EXT1: variants seen among roughly 807,000 people sequenced by gnomAD.
EXT1 encodes exostosin glycosyltransferase 1, also known as exostosin-1.
EXT1 carries 20 observed loss-of-function variants against 82.5 expected under a neutral mutation model. The ratio of observed to expected loss-of-function variants is 0.24; its 90% CI spans 0.17 to 0.35. The LOEUF is 0.35. EXT1 is among the 10% of genes least tolerant of loss of function. The probability of loss-of-function intolerance (pLI) is 1.00; values close to 1 mark genes in which losing one functional copy is unlikely to be tolerated. For missense variants in EXT1, 757 were observed against 936.5 expected, an observed-to-expected ratio of 0.81 and a Z score of 2.50; for synonymous variants, 348 against 350.8, an observed-to-expected ratio of 0.99 and a Z score of 0.09.
intron 1 of EXT1, among the ~76,000 whole-genome samples, chr8:117,894,090 A>G (rs1813294497): frequency 6.6e-6 from 1 of 152,190 alleles, no homozygotes; most frequent in Non-Finnish European, 1.5e-5. Context: ...TTGTTCAAGT[A>G]TGTTCAGAAT....
At chr8:117,820,924 T>C (rs954408150) in intron 5 of EXT1, among the ~76,000 whole-genome samples, 1 of 152,132 alleles carries the variant, frequency 6.6e-6, no homozygotes, top group African/African-American at 2.4e-5. Flanking sequence ...TCTGAAGCCC[T>C]AGGTTAAAAA....
chr8:117,884,513 C>T (rs539518055), intron 1 of EXT1, among the ~76,000 whole-genome samples: 1 of 152,340 alleles, frequency 6.6e-6, no homozygotes, highest in East Asian at 1.9e-4. Context: ...CAAGGATAAA[C>T]AGCCACTGAT....
At chr8:117,914,793 T>A (rs917207969) in intron 1 of EXT1, among the ~76,000 whole-genome samples, 1 of 152,186 alleles carries the variant, frequency 6.6e-6, no homozygotes, top group African/African-American at 2.4e-5. Context: ...TTGTTTAAGA[T>A]GTTTATCAAG....
chr8:117,974,064 TTA>T (rs746748910), intron 1 of EXT1, among the ~76,000 whole-genome samples: 5 of 152,116 alleles, frequency 3.3e-5, no homozygotes, highest in African/African-American at 7.2e-5. Flanking sequence ...GGTAAAAAGG[TTA>T]TAATTCTTCT....
At chr8:117,821,244 A>G (rs939539190) in intron 5 of EXT1, among the ~76,000 whole-genome samples, 2 of 152,220 alleles carry the variant, frequency 1.3e-5, no homozygotes, top group Non-Finnish European at 2.9e-5. Flanking sequence ...CTTTAATTGT[A>G]TGTTAGAAAG....
intron 3 of EXT1, among the ~76,000 whole-genome samples, chr8:117,833,116 G>T (rs1229704419): frequency 6.6e-6 from 1 of 152,276 alleles, no homozygotes; most frequent in East Asian, 1.9e-4. Context: ...TTTGGGCTGG[G>T]TGCCAACTCT....
At chr8:117,932,505 T>TA (rs1273535341) in intron 1 of EXT1, among the ~76,000 whole-genome samples, 1 of 152,174 alleles carries the variant, frequency 6.6e-6, no homozygotes, top group Admixed American at 6.5e-5. Flanking sequence ...AGGAGGCTGT[T>TA]ACGTAAAAAT....
chr8:117,855,804 G>T (rs569380266), intron 1 of EXT1, among the ~76,000 whole-genome samples: 5 of 152,264 alleles, frequency 3.3e-5, no homozygotes, highest in African/African-American at 4.8e-5. Flanking sequence ...GAGTAGTTGG[G>T]ATTACAGGTG....
At chr8:117,810,938 GATC>G (rs1823308514) in intron 8 of EXT1, among the ~76,000 whole-genome samples, 1 of 152,170 alleles carries the variant, frequency 6.6e-6, no homozygotes, top group Non-Finnish European at 1.5e-5. Context: ...GTCCTTCCAT[GATC>G]ATAGCACTTG....
chr8:117,870,230 A>G (rs540763674), intron 1 of EXT1, among the ~76,000 whole-genome samples: 3 of 152,352 alleles, frequency 2.0e-5, no homozygotes, highest in African/African-American at 7.2e-5. Context: ...TGATAATGAC[A>G]TATCTCTCAA....
intron 1 of EXT1, among the ~76,000 whole-genome samples, chr8:117,881,847 C>A (rs1813064862): frequency 6.6e-6 from 1 of 152,148 alleles, no homozygotes; most frequent in Non-Finnish European, 1.5e-5. Context: ...AAAACCCACG[C>A]CCATTGCTCC....
intron 3 of EXT1, chr8:117,831,581 T>C (rs1351468920): frequency 1.3e-5 from 6 of 471,156 alleles, no homozygotes; most frequent in East Asian, 1.4e-4. Flanking sequence ...TGATTTGCAA[T>C]TGCCCTTTTG....
intron 1 of EXT1, among the ~76,000 whole-genome samples, chr8:118,008,498 C>T (rs985828322): frequency 1.3e-5 from 2 of 152,004 alleles, no homozygotes; most frequent in South Asian, 2.1e-4. Flanking sequence ...GTGATCCACC[C>T]GCCTCAGCCT....
At chr8:117,867,636 C>T (rs944890654) in intron 1 of EXT1, among the ~76,000 whole-genome samples, 1 of 152,204 alleles carries the variant, frequency 6.6e-6, no homozygotes, top group African/African-American at 2.4e-5. Flanking sequence ...AACCTCCTAC[C>T]AATCTACAAA....
chr8:117,924,810 A>C (rs979325197), intron 1 of EXT1, among the ~76,000 whole-genome samples: 3 of 152,210 alleles, frequency 2.0e-5, no homozygotes, highest in Non-Finnish European at 4.4e-5. Context: ...CCAGTTCAAA[A>C]GGAATCTTAT....
chr8:117,951,448 G>A (rs1252004057), intron 1 of EXT1, among the ~76,000 whole-genome samples: 1 of 152,160 alleles, frequency 6.6e-6, no homozygotes, highest in Non-Finnish European at 1.5e-5. Context: ...ACCAATTTCT[G>A]AGATGTAAAC....
intron 1 of EXT1, among the ~76,000 whole-genome samples, chr8:118,048,500 A>C (rs1816658306): frequency 6.6e-6 from 1 of 152,166 alleles, no homozygotes; most frequent in Non-Finnish European, 1.5e-5. Flanking sequence ...AAAAAAGCTA[A>C]GTTTATTTTA....
intron 5 of EXT1, 82 bp from the exon 6 acceptor site, chr8:117,819,876 C>A: frequency 1.6e-6 from 2 of 1,258,158 alleles, no homozygotes; most frequent in Non-Finnish European, 2.3e-6. Context: ...TCCGCTGCCT[C>A]ATGCTGGAGC....
intron 1 of EXT1, among the ~76,000 whole-genome samples, chr8:118,023,667 T>C (rs546729977): frequency 6.6e-6 from 1 of 152,350 alleles, no homozygotes; most frequent in South Asian, 2.1e-4. Flanking sequence ...CTCCAAACTC[T>C]ATGTTTTCTT....
Sources: allele counts gnomAD v4.1 joint callset (sites outside exome capture counted in the v4.1 genomes callset), GRCh38; gene constraint gnomAD v4.1.1; transcripts MANE v1.5; gene names NCBI Gene and HGNC (gene_info 2026-07-23, HGNC 2026-07-21).